CYP7A1: variants seen among roughly 807,000 people sequenced by gnomAD.
CYP7A1 encodes cytochrome P450 7A1.
CYP7A1 carries 28 observed loss-of-function variants against 43.8 expected under a neutral mutation model. The ratio of observed to expected loss-of-function variants is 0.64; its 90% CI spans 0.47 to 0.88. CYP7A1 has a LOEUF of 0.88. Ranked by LOEUF, CYP7A1 falls within the 40% of genes least tolerant of loss-of-function variation. CYP7A1 has a pLI of 0.00. For synonymous variants in CYP7A1, 227 were observed against 222.5 expected, an observed-to-expected ratio of 1.02 and a Z score of -0.18; for missense variants, 637 against 611.9, an observed-to-expected ratio of 1.04 and a Z score of -0.43.
rs376891373 is a variant in CYP7A1 at position 58,500,072 on chromosome 8, C to T, written c.27G>A (p.Gly9=). 1.9e-6 allele frequency: 3 copies of T among 1,612,908 alleles called. No individual in the cohort carries two copies. In the South Asian group the frequency reaches 3.3e-5, roughly 18 times the overall value. ...GACAACAGCATGCTGCTATAGCAATCCCCCAAATCAAAGATGTGGTCATCA... is the reference window on the plus strand; with the variant it reads ...GACAACAGCATGCTGCTATAGCAATTCCCCAAATCAAAGATGTGGTCATCA... MMTTSLIW[G]IAIAACCCLW... The change falls in exon 1 of 6, where the codon GGG becomes GGA. Residue 9 remains glycine (G), a synonymous_variant. Transcript: ENST00000301645.
At chr8:58,498,804 C>T (rs1201804681) in intron 1 of CYP7A1, among the ~76,000 whole-genome samples, 11 of 152,128 alleles carry the variant, frequency 7.2e-5, no homozygotes, top group Admixed American at 4.6e-4. Flanking sequence ...GTTGTCAGTG[C>T]GGAAACAAAA....
Position 58,490,233 on chromosome 8 carries a change from G to C in CYP7A1, c.*1242C>G, listed in dbSNP as rs1258674553. The C allele has an allele frequency of 2.0e-5, 3 of 151,978 alleles. No homozygotes were observed. The highest frequency in any genetic ancestry group is 4.4e-5 in the Non-Finnish European group (3 of 67,988). The allele number at this position is 151,978 out of a possible 1,614,324, so 9.4% of individuals were successfully genotyped here. On this transcript the variant is annotated 3_prime_UTR_variant, in exon 6 of 6. Coordinates refer to ENST00000301645, the MANE Select transcript of CYP7A1 (RefSeq NM_000780.4). ...ATCATTTCAAAATTATCAAATGTTA[G>C]AATATTTTCTTAATATTTGTAAAAT...
Position 58,497,154 on chromosome 8 carries a change from T to A in CYP7A1, c.358A>T (p.Asn120Tyr). The change falls in exon 3 of 6, where the codon AAT becomes TAT. Residue 120 changes from asparagine (N) to tyrosine (Y), a missense_variant. Coordinates refer to ENST00000301645, the MANE Select transcript of CYP7A1 (RefSeq NM_000780.4). Reference sequence around the variant, plus strand: ...GTGTCGTTTATGTTTTCAGTGGTATTTCCATCCATCGGGTCAATGCTTCTG... The same window carrying A: ...GTGTCGTTTATGTTTTCAGTGGTATATCCATCCATCGGGTCAATGCTTCTG... ...GHRSIDPMDG[N>Y]TTENINDTFI... 1 of 1,599,740 alleles carries A rather than the reference T, an allele frequency of 6.3e-7. No individual in the cohort carries two copies. Among genetic ancestry groups the A allele is most frequent in the Non-Finnish European group, 8.5e-7 (1 of 1,179,938 alleles).
chr8:58,497,466 A>G lies in CYP7A1; in HGVS notation c.322-276T>C, dbSNP rs116184652. On this transcript the variant is annotated intron_variant, in intron 2 of 5. Transcript: ENST00000301645. The stretch of plus-strand genomic sequence containing the variant: ...ATTTACAGCTATTGCACATAAACTA[A>G]TTGATAATGTTTTAAAATCATTAGT... 5.7e-3 allele frequency among the ~76,000 whole-genome samples: 863 copies of G among 152,268 alleles called. 5 individuals are homozygous for G. The highest frequency in any genetic ancestry group is 0.02 in the African/African-American group (823 of 41,542).
chr8:58,500,158 G>A lies in CYP7A1; in HGVS notation c.-60C>T. ...AATCTCTGATTAGAAAGGGAAGGATGCCACTGAAAAGAGACTCAAGCTAGG... is the reference window on the plus strand; with the variant it reads ...AATCTCTGATTAGAAAGGGAAGGATACCACTGAAAAGAGACTCAAGCTAGG... On this transcript the variant is annotated 5_prime_UTR_variant, in exon 1 of 6. Transcript: ENST00000301645. The A allele has an allele frequency of 7.4e-7, 1 of 1,351,970 alleles. No individual in the cohort carries two copies. The highest frequency in any genetic ancestry group is 1.2e-5 in the South Asian group (1 of 85,716). 83.7% of individuals were successfully genotyped at this position (1,351,970 alleles called of 1,614,324 possible).
intron 3 of CYP7A1, among the ~76,000 whole-genome samples, chr8:58,495,574 G>A (rs1809431376): frequency 6.6e-6 from 1 of 152,148 alleles, no homozygotes; most frequent in Non-Finnish European, 1.5e-5. Flanking sequence ...GATTAAACAT[G>A]TCTAGGGAGC....
At position 58,496,641 on chromosome 8, in the gene CYP7A1, T is replaced by C. The variant is rs776499055; in HGVS notation, c.871A>G (p.Ile291Val). The change falls in exon 3 of 6, where the codon ATT becomes GTT. Residue 291 changes from isoleucine (I) to valine (V), a missense_variant. By Grantham distance (29) the Ile-to-Val change is conservative. Transcript: ENST00000301645. ...VVLWASQANT[I>V]PATFWSLFQM... ...AATAAACTCCAGAAAGTCGCTGGAA[T>C]GGTGTTTGCTTGCGATGCCCAGAGG... The C allele has an allele frequency of 6.2e-7, 1 of 1,614,178 alleles. No individual in the cohort carries two copies. Among genetic ancestry groups the C allele is most frequent in the Non-Finnish European group, 8.5e-7 (1 of 1,179,998 alleles).
In CYP7A1 at chr8:58,498,335, A is replaced by T; in HGVS notation, c.215T>A (p.Met72Lys). 6.2e-7 allele frequency: 1 copy of T among 1,614,150 alleles called. No homozygotes were observed. Residue 72 changes from methionine to lysine, a missense_variant, in exon 2 of 6, where the codon ATG becomes AAG. By Grantham distance (95) the Met-to-Lys change is moderately conservative (BLOSUM62 -1). Coordinates refer to ENST00000301645, the MANE Select transcript of CYP7A1 (RefSeq NM_000780.4). The stretch of plus-strand genomic sequence containing the variant: ...TGTGATGAAATGGACATATTTTCCC[A>T]TTAGTTTGCAGGTAAAAACATGACC... ...KHGHVFTCKLMGKYVHFITNP... is the reference protein window; with the variant it reads ...KHGHVFTCKLKGKYVHFITNP...
chr8:58,498,613 C>T (rs1809485348), intron 1 of CYP7A1, 144 bp from the exon 2 acceptor site: 1 of 803,192 alleles, frequency 1.2e-6, no homozygotes, highest in Admixed American at 2.1e-5. Flanking sequence ...GGGCCCTGCT[C>T]TTTTACTACA....
intron 3 of CYP7A1, among the ~76,000 whole-genome samples, chr8:58,495,208 AT>A (rs1182245734): frequency 8.6e-5 from 6 of 69,466 alleles, no homozygotes; most frequent in African/African-American, 3.9e-4. Flanking sequence ...GAGGGCTTTT[AT>A]TTTATTTTTA....
At position 58,497,207 on chromosome 8, in the gene CYP7A1, C is replaced by T; in HGVS notation, c.322-17G>A. 6.3e-7 allele frequency: 1 copy of T among 1,584,838 alleles called. No homozygotes were observed. Reference sequence around the variant, plus strand: ...CCCAAATGCCTGATAGCAAATAAAACATGCAGAAAAAGAAGTTAAACCTGA... The same window carrying T: ...CCCAAATGCCTGATAGCAAATAAAATATGCAGAAAAAGAAGTTAAACCTGA... On this transcript the variant is annotated splice_polypyrimidine_tract_variant and intron_variant, in intron 2 of 5. Coordinates refer to ENST00000301645, the MANE Select transcript of CYP7A1 (RefSeq NM_000780.4).
rs1809445126 is a variant in CYP7A1 at position 58,496,592 on chromosome 8, G to A, written c.908+12C>T. On this transcript the variant is annotated intron_variant, in intron 3 of 5. Coordinates refer to ENST00000301645, the MANE Select transcript of CYP7A1 (RefSeq NM_000780.4). ...TAAAATAAAAAAAAGAAATGGATATGGCGTTAGTCACCTAATCATTTGAAA... is the reference window on the plus strand; with the variant it reads ...TAAAATAAAAAAAAGAAATGGATATAGCGTTAGTCACCTAATCATTTGAAA... The A allele has an allele frequency of 3.1e-6, 5 of 1,597,092 alleles. No homozygotes were observed. The highest frequency in any genetic ancestry group is 2.2e-5 in the East Asian group (1 of 44,806).
rs1563481759 is a variant in CYP7A1, at chr8:58,490,789, GA to G, written c.*685del. The G allele has an allele frequency of 6.6e-6, 1 of 152,224 alleles. No individual in the cohort carries two copies. The highest frequency in any genetic ancestry group is 1.9e-4 in the East Asian group (1 of 5,184). 9.4% of individuals were successfully genotyped at this position (152,224 alleles called of 1,614,324 possible). A position where few individuals can be genotyped will look rare whatever the true frequency, so the allele number is the denominator to read the frequency against. On this transcript the variant is annotated 3_prime_UTR_variant, in exon 6 of 6. Coordinates refer to ENST00000301645, the MANE Select transcript of CYP7A1 (RefSeq NM_000780.4). ...CTGAATTTTGGATATAGAAGAAGTT[GA>G]AAAATATTTCCTTTTTATTAAAAGA...
chr8:58,495,059 G>A (rs1455881621), intron 3 of CYP7A1, among the ~76,000 whole-genome samples: 8 of 151,066 alleles, frequency 5.3e-5, no homozygotes, highest in Admixed American at 2.0e-4. Flanking sequence ...GCTTGAGCCC[G>A]GGAGGTGGAG....
intron 4 of CYP7A1, 82 bp downstream of exon 4, chr8:58,494,424 G>T (rs1809406118): frequency 1.4e-6 from 2 of 1,449,276 alleles, no homozygotes; most frequent in Admixed American, 1.7e-5. Context: ...CTAGAATTCG[G>T]TAAGTATATA....
At position 58,500,018 on chromosome 8, in the gene CYP7A1, C is replaced by T; in HGVS notation, c.80+1G>A. 6.2e-7 allele frequency: 1 copy of T among 1,607,472 alleles called. No homozygotes were observed. Reference sequence around the variant, plus strand: ...CAATTTAAAGATAAAACATTACTTACCTTCTCCTAATTCCAAGAATAAGCC... The same window carrying T: ...CAATTTAAAGATAAAACATTACTTATCTTCTCCTAATTCCAAGAATAAGCC... On this transcript the variant is annotated splice_donor_variant, in intron 1 of 5. Transcript: ENST00000301645. LOFTEE classifies it high-confidence loss of function.
Position 58,496,684 on chromosome 8 carries a change from G to A in CYP7A1, c.828C>T (p.Ala276=). The part of the protein sequence containing the change: ...TLSTFDDLEK[A]KTHLVVLWAS... Reference sequence around the variant, plus strand: ...CCCAGAGGACCACGAGGTGTGTCTTGGCCTTCTCCAGATCATCAAAGGTGG... The same window carrying A: ...CCCAGAGGACCACGAGGTGTGTCTTAGCCTTCTCCAGATCATCAAAGGTGG... The change falls in exon 3 of 6, where the codon GCC becomes GCT. Residue 276 remains alanine, a synonymous_variant. Coordinates refer to ENST00000301645, the MANE Select transcript of CYP7A1 (RefSeq NM_000780.4). 1 of 1,614,202 alleles carries A rather than the reference G, an allele frequency of 6.2e-7. No individual in the cohort carries two copies. The highest frequency in any genetic ancestry group is 8.5e-7 in the Non-Finnish European group (1 of 1,180,026).
intron 1 of CYP7A1, among the ~76,000 whole-genome samples, chr8:58,499,277 A>G (rs992860278): frequency 2.0e-5 from 3 of 152,234 alleles, no homozygotes; most frequent in African/African-American, 7.2e-5. Flanking sequence ...AGCAATCTAC[A>G]AAGCTGAAAG....
rs1469727504 is a variant in CYP7A1, at chr8:58,492,440, G to A, written c.1128C>T (p.Asp376=). The change falls in exon 5 of 6, where the codon GAC becomes GAT. Residue 376 remains aspartate, a synonymous_variant. Coordinates refer to ENST00000301645, the MANE Select transcript of CYP7A1 (RefSeq NM_000780.4). ...AKEDFTLHLE[D]GSYNIRKDDI... is the part of the protein sequence containing the mutation. ...CATCTTTTCGGATGTTGTAGGAACCGTCCTCAAGGTGCAAAGTGAAATCCT... is the reference window on the plus strand; with the variant it reads ...CATCTTTTCGGATGTTGTAGGAACCATCCTCAAGGTGCAAAGTGAAATCCT... 20 of 1,613,622 alleles carry A rather than the reference G, an allele frequency of 1.2e-5. No individual in the cohort carries two copies. Among genetic ancestry groups the A allele is most frequent in the Middle Eastern group, 1.6e-4 (1 of 6,080 alleles).
Sources: allele counts gnomAD v4.1 joint callset (sites outside exome capture counted in the v4.1 genomes callset), GRCh38; gene constraint gnomAD v4.1.1; transcripts MANE v1.5; gene names NCBI Gene and HGNC (gene_info 2026-07-23, HGNC 2026-07-21).